Variants in GRM8 observed in about 807,000 individuals in gnomAD.
The protein encoded by GRM8 is metabotropic glutamate receptor 8.
A neutral mutation model predicts 87.2 loss-of-function variants in GRM8; 47 were observed. The ratio of observed to expected loss-of-function variants is 0.54; its 90% CI spans 0.43 to 0.69. The LOEUF (loss-of-function observed/expected upper bound fraction) is 0.69, where lower values mean the gene tolerates loss of function less well. Among genes scored for constraint, GRM8 ranks in the 30% least tolerant of loss-of-function variants. GRM8 has a pLI of 0.00. For missense variants in GRM8, 1,019 were observed against 1,139.2 expected (o/e 0.89, Z 1.52); for synonymous variants, 396 against 404.5 (o/e 0.98, Z 0.25).
At chr7:126,784,268 A>T (rs1012530666) in intron 6 of GRM8, among the ~76,000 whole-genome samples, 2 of 152,218 alleles carry the variant, frequency 1.3e-5, no homozygotes, top group African/African-American at 4.8e-5. Flanking sequence ...AACAAAAAAA[A>T]ATTGAAAACA....
In GRM8 at chr7:126,533,359, G is replaced by T; in HGVS notation, c.2023C>A (p.Arg675=). 5 of 1,613,800 alleles carry T rather than the reference G, an allele frequency of 3.1e-6. No homozygotes were observed. The highest frequency in any genetic ancestry group is 2.5e-6 in the Non-Finnish European group (3 of 1,179,930). ...GATTTCTTCCCCTGCTCAAATATTC[G>T]GTGGATACGGTTTGTTTTGGTCAGA... ...ALLTKTNRIH[R]IFEQGKKSVT... The change falls in exon 9 of 11, where the codon CGA becomes AGA. Residue 675 remains arginine (R), a synonymous_variant. Transcript: ENST00000339582.
intron 7 of GRM8, among the ~76,000 whole-genome samples, chr7:126,704,122 G>A (rs1414903930): frequency 2.0e-5 from 3 of 152,132 alleles, no homozygotes; most frequent in Non-Finnish European, 4.4e-5. Context: ...CAGGGACCCC[G>A]AATGGAGGGA....
chr7:127,107,261 A>G (rs1023472155), intron 2 of GRM8, among the ~76,000 whole-genome samples: 1 of 152,236 alleles, frequency 6.6e-6, no homozygotes, highest in African/African-American at 2.4e-5. Context: ...GTTTATTGAT[A>G]TAATCAGAGT....
intron 3 of GRM8, among the ~76,000 whole-genome samples, chr7:126,977,070 T>A (rs1010566316): frequency 3.3e-5 from 5 of 152,220 alleles, no homozygotes; most frequent in Non-Finnish European, 5.9e-5. Flanking sequence ...TTATTTTTAC[T>A]GAGGGATTCT....
At chr7:126,515,145 T>C (rs1269095421) in intron 9 of GRM8, among the ~76,000 whole-genome samples, 1 of 152,080 alleles carries the variant, frequency 6.6e-6, no homozygotes, top group Non-Finnish European at 1.5e-5. Flanking sequence ...AATGGCTATA[T>C]CTTAATTTCA....
At chr7:126,944,865 A>T (rs1274274268) in intron 3 of GRM8, among the ~76,000 whole-genome samples, 1 of 152,260 alleles carries the variant, frequency 6.6e-6, no homozygotes, top group East Asian at 1.9e-4. Context: ...AAATCTAGTA[A>T]GTAGATTAAA....
At chr7:126,812,335 C>CA (rs1793377301) in intron 6 of GRM8, among the ~76,000 whole-genome samples, 1 of 151,902 alleles carries the variant, frequency 6.6e-6, no homozygotes, top group African/African-American at 2.4e-5. Flanking sequence ...ACTGTACTTA[C>CA]ACAAACCTAG....
chr7:127,147,996 T>A (rs1205813972), intron 2 of GRM8, among the ~76,000 whole-genome samples: 1 of 152,074 alleles, frequency 6.6e-6, no homozygotes, highest in Non-Finnish European at 1.5e-5. Context: ...ACCAGCATCA[T>A]CTGGAAACTT....
intron 2 of GRM8, among the ~76,000 whole-genome samples, chr7:127,161,086 T>C (rs1793083018): frequency 6.6e-6 from 1 of 152,178 alleles, no homozygotes; most frequent in South Asian, 2.1e-4. Flanking sequence ...ACATTCTTTA[T>C]CATACACTTA....
chr7:126,844,847 A>T (rs1796577518), intron 6 of GRM8, among the ~76,000 whole-genome samples: 1 of 152,186 alleles, frequency 6.6e-6, no homozygotes, highest in East Asian at 1.9e-4. Flanking sequence ...CTTCACTCTT[A>T]TACTGTCATT....
At chr7:126,865,660 T>A (rs900138670) in intron 6 of GRM8, among the ~76,000 whole-genome samples, 4 of 152,248 alleles carry the variant, frequency 2.6e-5, no homozygotes, top group African/African-American at 9.6e-5. Flanking sequence ...ATTCTGGATA[T>A]TCCATATAAA....
intron 3 of GRM8, among the ~76,000 whole-genome samples, chr7:127,015,184 GAAGAAGAAGAAGAAGAAGAAGAAGAAGA>G (rs1815469760): frequency 0.017 from 790 of 45,214 alleles, 30 homozygotes; most frequent in South Asian, 0.045. Flanking sequence ...AGGAGAAGAA[GAAGAAGAAGAAGAAGAAGAAGAAGAAGA>G]AGAAGAAGAA....
intron 2 of GRM8, among the ~76,000 whole-genome samples, chr7:127,206,383 T>C (rs1386853964): frequency 6.6e-6 from 1 of 152,214 alleles, no homozygotes; most frequent in Non-Finnish European, 1.5e-5. Context: ...GCCTCTGAAT[T>C]CTGAAGGATT....
chr7:126,473,208 C>T (rs1805504203), intron 9 of GRM8, among the ~76,000 whole-genome samples: 1 of 152,142 alleles, frequency 6.6e-6, no homozygotes, highest in African/African-American at 2.4e-5. Flanking sequence ...TTTGGAAAAG[C>T]TGCAGACACT....
At chr7:126,780,843 A>G (rs1217154262) in intron 6 of GRM8, among the ~76,000 whole-genome samples, 1 of 152,212 alleles carries the variant, frequency 6.6e-6, no homozygotes, top group Non-Finnish European at 1.5e-5. Context: ...TTCCAGTTCT[A>G]AAAGAGCACT....
At chr7:127,165,277 T>C (rs542056848) in intron 2 of GRM8, among the ~76,000 whole-genome samples, 1 of 149,574 alleles carries the variant, frequency 6.7e-6, no homozygotes, top group South Asian at 2.1e-4. Flanking sequence ...TACAGTGGAC[T>C]GGGATGCCCT....
At chr7:127,083,384 C>T (rs1246708471) in intron 3 of GRM8, among the ~76,000 whole-genome samples, 1 of 152,068 alleles carries the variant, frequency 6.6e-6, no homozygotes, top group Non-Finnish European at 1.5e-5. Context: ...TCCTTGCAAC[C>T]ACAGCTTTAT....
intron 6 of GRM8, among the ~76,000 whole-genome samples, chr7:126,841,285 C>T (rs1429686433): frequency 2.3e-4 from 35 of 152,116 alleles, no homozygotes; most frequent in Admixed American, 2.2e-3. Context: ...AGGTATTCTG[C>T]TGGTGGTTTG....
intron 3 of GRM8, among the ~76,000 whole-genome samples, chr7:127,101,791 C>T (rs1009775816): frequency 2.0e-5 from 3 of 152,084 alleles, no homozygotes; most frequent in Non-Finnish European, 4.4e-5. Context: ...TATAAAGATA[C>T]CTGAAAATGT....
Sources: allele counts gnomAD v4.1 joint callset (sites outside exome capture counted in the v4.1 genomes callset), GRCh38; gene constraint gnomAD v4.1.1; transcripts MANE v1.5; gene names NCBI Gene and HGNC (gene_info 2026-07-23, HGNC 2026-07-21).